Variants in NRG3 observed in about 807,000 individuals in gnomAD.
NRG3 encodes the protein pro-neuregulin-3, membrane-bound isoform.
Under a neutral mutation model 66.9 loss-of-function variants are expected in NRG3, and 31 were observed. The ratio of observed to expected loss-of-function variants is 0.46; its 90% CI spans 0.35 to 0.63. The LOEUF is 0.63. Ranked by LOEUF, NRG3 falls within the 20% of genes least tolerant of loss-of-function variation. The probability of loss-of-function intolerance (pLI) is 0.00; values close to 1 mark genes in which losing one functional copy is unlikely to be tolerated. For missense variants in NRG3, 910 were observed against 878.9 expected (o/e 1.04, Z -0.45); for synonymous variants, 393 against 359.4 (o/e 1.09, Z -1.06).
chr10:82,537,173 C>G (rs1337985966), intron 2 of NRG3, among the ~76,000 whole-genome samples: 1 of 151,882 alleles, frequency 6.6e-6, no homozygotes, highest in Non-Finnish European at 1.5e-5. Flanking sequence ...GCTACACTTG[C>G]AATTAAATAT....
chr10:82,379,133 A>C (rs1346293568), intron 2 of NRG3, among the ~76,000 whole-genome samples: 1 of 152,146 alleles, frequency 6.6e-6, no homozygotes, highest in Non-Finnish European at 1.5e-5. Flanking sequence ...GAGATTGAAC[A>C]TGAAGCCTGG....
chr10:82,887,537 TG>T (rs1418517743), intron 4 of NRG3, among the ~76,000 whole-genome samples: 2 of 152,232 alleles, frequency 1.3e-5, no homozygotes, highest in Admixed American at 6.5e-5. Flanking sequence ...AAAATGTGCA[TG>T]AAAGCATGAC....
chr10:82,099,012 G>A (rs188546191), intron 1 of NRG3, among the ~76,000 whole-genome samples: 9 of 152,066 alleles, frequency 5.9e-5, no homozygotes, highest in African/African-American at 1.9e-4. Context: ...TGATCTGCCC[G>A]CATTGACCTC....
intron 2 of NRG3, among the ~76,000 whole-genome samples, chr10:82,723,657 T>A (rs2134544687): frequency 6.6e-6 from 1 of 152,228 alleles, no homozygotes; most frequent in Non-Finnish European, 1.5e-5. Context: ...CGATAAATTT[T>A]AAAAATAAGA....
intron 1 of NRG3, among the ~76,000 whole-genome samples, chr10:82,176,785 G>A (rs947231251): frequency 1.3e-5 from 2 of 151,884 alleles, no homozygotes; most frequent in African/African-American, 4.8e-5. Context: ...TGGTGGCACT[G>A]CTACTGACCT....
chr10:82,417,739 C>T (rs574437020), intron 2 of NRG3, among the ~76,000 whole-genome samples: 3 of 152,260 alleles, frequency 2.0e-5, no homozygotes, highest in Non-Finnish European at 2.9e-5. Context: ...CAATGAGGCT[C>T]CAGGTTTCCT....
intron 1 of NRG3, among the ~76,000 whole-genome samples, chr10:82,324,551 C>G (rs1381393233): frequency 6.6e-6 from 1 of 152,006 alleles, no homozygotes; most frequent in Admixed American, 6.6e-5. Context: ...ATATAGGTTA[C>G]CAGTGCTATA....
chr10:82,057,619 T>C (rs2133201542), intron 1 of NRG3, among the ~76,000 whole-genome samples: 1 of 152,320 alleles, frequency 6.6e-6, no homozygotes, highest in African/African-American at 2.4e-5. Context: ...AAATTATACT[T>C]TAAGTTTGGG....
intron 2 of NRG3, among the ~76,000 whole-genome samples, chr10:82,455,198 T>C (rs1419690164): frequency 2.0e-5 from 3 of 152,230 alleles, no homozygotes; most frequent in Non-Finnish European, 4.4e-5. Flanking sequence ...TAGTCATACA[T>C]TATTTAATGA....
intron 2 of NRG3, among the ~76,000 whole-genome samples, chr10:82,737,439 A>G (rs2058208955): frequency 6.6e-6 from 1 of 152,348 alleles, no homozygotes; most frequent in Admixed American, 6.5e-5. Context: ...GAAAGAACTC[A>G]CGACGCATGG....
intron 2 of NRG3, among the ~76,000 whole-genome samples, chr10:82,497,645 C>T (rs1428903403): frequency 6.6e-6 from 1 of 152,012 alleles, no homozygotes; most frequent in Non-Finnish European, 1.5e-5. Context: ...ATTCATCCAT[C>T]AGTGGACAGT....
intron 1 of NRG3, among the ~76,000 whole-genome samples, chr10:82,182,072 T>C (rs2073458653): frequency 6.6e-6 from 1 of 151,050 alleles, no homozygotes; most frequent in Non-Finnish European, 1.5e-5. Flanking sequence ...GCCATCCTGC[T>C]CTATTTTTTT....
At chr10:82,539,948 TTA>T (rs1314885294) in intron 2 of NRG3, among the ~76,000 whole-genome samples, 1 of 152,194 alleles carries the variant, frequency 6.6e-6, no homozygotes, top group Non-Finnish European at 1.5e-5. Flanking sequence ...TGCCGTTTTT[TTA>T]TATTAATATA....
intron 4 of NRG3, among the ~76,000 whole-genome samples, chr10:82,885,817 C>T (rs1842673150): frequency 6.6e-6 from 1 of 152,136 alleles, no homozygotes; most frequent in East Asian, 1.9e-4. Context: ...CTGCCTCATC[C>T]TCCCAAAGTG....
chr10:82,253,236 C>T (rs1208320260), intron 1 of NRG3, among the ~76,000 whole-genome samples: 1 of 152,142 alleles, frequency 6.6e-6, no homozygotes, highest in Non-Finnish European at 1.5e-5. Flanking sequence ...CTCCCAATTT[C>T]CCCCAACACT....
chr10:82,001,018 G>A lies in NRG3; in HGVS notation c.823+124855G>A, dbSNP rs1172372762. 2.0e-5 allele frequency among the ~76,000 whole-genome samples: 3 copies of A among 152,002 alleles called. No individual in the cohort carries two copies. The East Asian group carries it at 5.8e-4, about 29-fold the overall frequency. On this transcript the variant is annotated intron_variant, in intron 1 of 8. Transcript: ENST00000372141. ...ACTAAAACTAAACAAACATTGCCGT[G>A]TTTTCAACTGTTTCTTTTTTATACT...
intron 1 of NRG3, among the ~76,000 whole-genome samples, chr10:82,102,933 G>A (rs995281789): frequency 2.6e-5 from 4 of 151,964 alleles, no homozygotes; most frequent in African/African-American, 9.7e-5. Context: ...CCATTCTGTT[G>A]TTCTGCCTTC....
At chr10:82,300,813 A>AAC (rs143658730) in intron 1 of NRG3, among the ~76,000 whole-genome samples, 2,806 of 151,762 alleles carry the variant, frequency 0.018, 63 homozygotes, top group African/African-American at 0.052. Context: ...CTGAGTTAAA[A>AAC]ACACACACAC....
At chr10:82,823,097 C>G (rs1282040646) in intron 3 of NRG3, among the ~76,000 whole-genome samples, 1 of 152,164 alleles carries the variant, frequency 6.6e-6, no homozygotes, top group Non-Finnish European at 1.5e-5. Flanking sequence ...CCGTCTGACA[C>G]TTGCATTTAC....
Sources: gnomAD v4.1 joint callset for allele counts (sites outside exome capture counted in the v4.1 genomes callset) on GRCh38, gnomAD v4.1.1 for gene constraint, MANE v1.5 for transcripts, NCBI Gene and HGNC (gene_info 2026-07-23, HGNC 2026-07-21) for gene names.